The following DHX32 variants were observed in gnomAD, a reference collection of about 807,000 sequenced individuals.
The protein encoded by DHX32 is DEAH-box helicase 32 (putative), also known as putative pre-mRNA-splicing factor ATP-dependent RNA helicase DHX32.
Under a neutral mutation model 70.0 loss-of-function variants are expected in DHX32, and 51 were observed. The ratio of observed to expected loss-of-function variants is 0.73; its 90% CI spans 0.58 to 0.92. The LOEUF is 0.92. Among genes scored for constraint, DHX32 ranks in the 40% least tolerant of loss-of-function variants. The pLI, the probability that DHX32 is intolerant of heterozygous loss-of-function variation, is 0.00. For synonymous variants in DHX32, 310 were observed against 315.3 expected, an observed-to-expected ratio of 0.98 and a Z score of 0.18; for missense variants, 762 against 891.8, an observed-to-expected ratio of 0.85 and a Z score of 1.85.
chr10:125,884,063 G>A (rs75982858), upstream of DHX32, among the ~76,000 whole-genome samples: 1,094 of 152,258 alleles, frequency 7.2e-3, 12 homozygotes, highest in African/African-American at 0.025. Context: ...AGTCTGAGGC[G>A]CAAAACTATG....
chr10:125,863,265 A>G (rs563812269), intron 2 of DHX32, among the ~76,000 whole-genome samples: 1 of 152,010 alleles, frequency 6.6e-6, no homozygotes, highest in Non-Finnish European at 1.5e-5. Context: ...TCACTGTTTC[A>G]AAAAAGGCCA....
intron 6 of DHX32, among the ~76,000 whole-genome samples, chr10:125,846,364 G>T (rs1944021085): frequency 6.6e-6 from 1 of 152,244 alleles, no homozygotes; most frequent in African/African-American, 2.4e-5. Flanking sequence ...AAAATGCATG[G>T]GTTTTAAAAT....
intron 7 of DHX32, chr10:125,841,536 GT>G: frequency 7.0e-7 from 1 of 1,425,724 alleles, no homozygotes; most frequent in Non-Finnish European, 9.1e-7. Flanking sequence ...TGAACTTTGA[GT>G]TAGTTTTCTT....
intron 1 of DHX32, among the ~76,000 whole-genome samples, chr10:125,877,726 G>A (rs1049177680): frequency 1.3e-5 from 2 of 152,000 alleles, no homozygotes; most frequent in African/African-American, 4.8e-5. Flanking sequence ...AAACTCTAGA[G>A]ATAATAAACA....
intron 6 of DHX32, among the ~76,000 whole-genome samples, chr10:125,845,273 C>A (rs1054312524): frequency 6.6e-6 from 1 of 152,204 alleles, no homozygotes; most frequent in Non-Finnish European, 1.5e-5. Flanking sequence ...TACTCAGGTG[C>A]TCAGGAGGCT....
At chr10:125,859,040 TG>T (rs1390062177) in intron 3 of DHX32, among the ~76,000 whole-genome samples, 11 of 141,576 alleles carry the variant, frequency 7.8e-5, no homozygotes, top group East Asian at 6.1e-4. Context: ...TTTGTTTGTT[TG>T]TTTGTTTTTT....
intron 1 of DHX32, among the ~76,000 whole-genome samples, chr10:125,878,551 C>T (rs1027787166): frequency 1.4e-4 from 21 of 152,198 alleles, no homozygotes; most frequent in African/African-American, 4.8e-4. Context: ...CCCGTGTATA[C>T]ATGAGGCATA....
intron 3 of DHX32, among the ~76,000 whole-genome samples, chr10:125,856,005 A>G (rs561341637): frequency 1.3e-5 from 2 of 152,382 alleles, no homozygotes; most frequent in East Asian, 3.9e-4. Context: ...GCAGAGCAAA[A>G]CAGAAATAGA....
At chr10:125,886,706 C>A (rs1944342753) in intron 1 of DHX32, among the ~76,000 whole-genome samples, 1 of 152,312 alleles carries the variant, frequency 6.6e-6, no homozygotes, top group African/African-American at 2.4e-5. Context: ...CATCCAAACC[C>A]CAAATTAACT....
intron 3 of DHX32, among the ~76,000 whole-genome samples, chr10:125,857,454 C>T (rs977116385): frequency 1.1e-4 from 17 of 152,312 alleles, no homozygotes; most frequent in African/African-American, 3.1e-4. Flanking sequence ...TCCAGTGCTC[C>T]GCCTGGGTCA....
At chr10:125,894,348 C>T (rs917761494) in intron 1 of DHX32, among the ~76,000 whole-genome samples, 19 of 152,158 alleles carry the variant, frequency 1.2e-4, no homozygotes, top group Non-Finnish European at 2.4e-4. Context: ...TTAACAGGTA[C>T]ATTGCACAAG....
chr10:125,875,361 T>C (rs11244684), intron 1 of DHX32, among the ~76,000 whole-genome samples: 3,338 of 152,260 alleles, frequency 0.022, 141 homozygotes, highest in African/African-American at 0.076. Context: ...CGGAATGTAC[T>C]AGATGAACCT....
chr10:125,893,617 G>C (rs1944384387), intron 1 of DHX32, among the ~76,000 whole-genome samples: 1 of 152,204 alleles, frequency 6.6e-6, no homozygotes, highest in East Asian at 1.9e-4. Flanking sequence ...ATTGAATGTA[G>C]ACCATGACAA....
At chr10:125,874,314 T>C (rs1273702855) in intron 1 of DHX32, among the ~76,000 whole-genome samples, 1 of 152,200 alleles carries the variant, frequency 6.6e-6, no homozygotes, top group Non-Finnish European at 1.5e-5. Flanking sequence ...CTATCTAAAT[T>C]AGTTTAGGAT....
intron 1 of DHX32, among the ~76,000 whole-genome samples, chr10:125,878,546 G>A (rs995011565): frequency 1.3e-5 from 2 of 152,086 alleles, no homozygotes; most frequent in African/African-American, 4.8e-5. Flanking sequence ...GTTTTCCCGT[G>A]TATACATGAG....
At chr10:125,871,910 T>C (rs1394360700) in intron 1 of DHX32, among the ~76,000 whole-genome samples, 1 of 150,554 alleles carries the variant, frequency 6.6e-6, no homozygotes, top group African/African-American at 2.5e-5. Flanking sequence ...TTGCCCAGGC[T>C]GGAGTGCAAT....
At chr10:125,877,703 T>C (rs1040886004) in intron 1 of DHX32, among the ~76,000 whole-genome samples, 1 of 151,986 alleles carries the variant, frequency 6.6e-6, no homozygotes, top group African/African-American at 2.4e-5. Flanking sequence ...ATAATAGTGA[T>C]AATAAAATAG....
At chr10:125,845,009 T>C (rs1054660559) in intron 6 of DHX32, among the ~76,000 whole-genome samples, 1 of 152,202 alleles carries the variant, frequency 6.6e-6, no homozygotes, top group Non-Finnish European at 1.5e-5. Flanking sequence ...AGCTCCAATA[T>C]GTGCCTGCAT....
In DHX32 at chr10:125,852,345, C is replaced by G; in HGVS notation, c.1299G>C (p.Met433Ile). The G allele has an allele frequency of 1.2e-6, 2 of 1,614,214 alleles. No individual in the cohort carries two copies. Among genetic ancestry groups the G allele is most frequent in the Non-Finnish European group, 1.7e-6 (2 of 1,180,034 alleles). Residue 433 changes from methionine to isoleucine, a missense_variant, in exon 6 of 11, where the codon ATG (methionine) becomes ATC (isoleucine). By Grantham distance (10) the Met-to-Ile change is conservative (BLOSUM62 1). Around this residue, in one of 3 missense-constraint regions of DHX32, gnomAD observed 366 missense variants for 402.6 expected, o/e 0.91. Coordinates refer to ENST00000284690, the MANE Select transcript of DHX32 (RefSeq NM_018180.3). ...CTAGGCCCGCAATGTCTATCCTCTT[C>G]ATAAAAAGCACCATGCTTGTTAGGT... ...EANLTSMVLF[M>I]KRIDIAGLGH...
Sources: allele counts gnomAD v4.1 joint callset (sites outside exome capture counted in the v4.1 genomes callset), GRCh38; gene constraint gnomAD v4.1.1; regional missense constraint gnomAD v4.1.1; transcripts MANE v1.5; gene names NCBI Gene and HGNC (gene_info 2026-07-23, HGNC 2026-07-21).